BRWD3: variants seen among roughly 807,000 people sequenced by gnomAD.
BRWD3 encodes bromodomain and WD repeat domain containing 3.
Under a neutral mutation model 149.7 loss-of-function variants are expected in BRWD3, and 10 were observed. That is an observed-to-expected ratio of 0.07 (90% confidence interval 0.04 to 0.11). BRWD3 has a LOEUF of 0.11. Among genes scored for constraint, BRWD3 ranks in the 10% least tolerant of loss-of-function variants. The pLI is 1.00. For synonymous variants in BRWD3, 504 were observed against 456.7 expected, an observed-to-expected ratio of 1.10 and a Z score of -1.32; for missense variants, 940 against 1,373.2, an observed-to-expected ratio of 0.68 and a Z score of 4.99.
At position 80,671,136 on chromosome X, in the gene BRWD3, A is replaced by C. The variant is rs2072320104; in HGVS notation, c.*5473T>G. ...CATTTTAAAATGTCAGGTACATATA[A>C]CTCAGCTGTTAAAAGTTGTAAGTCA... On this transcript the variant is annotated 3_prime_UTR_variant, in exon 41 of 41. Coordinates refer to ENST00000373275, the MANE Select transcript of BRWD3 (RefSeq NM_153252.5). The C allele has an allele frequency of 9.0e-6, 1 of 111,538 alleles. No individual in the cohort carries two copies. Among genetic ancestry groups the C allele is most frequent in the Non-Finnish European group, 1.9e-5 (1 of 53,134 alleles). The allele number at this position is 111,538 out of a possible 1,213,427, so 9.2% of individuals were successfully genotyped here.
intron 6 of BRWD3, among the ~76,000 whole-genome samples, chrX:80,759,104 G>A (rs2073776063): frequency 9.0e-6 from 1 of 111,528 alleles, no homozygotes; most frequent in Non-Finnish European, 1.9e-5. Flanking sequence ...TCCTTCATCA[G>A]GAAACTACAC....
intron 36 of BRWD3, 137 bp from the exon 37 acceptor site, chrX:80,684,299 C>A (rs2072493024): frequency 1.9e-6 from 1 of 537,454 alleles, no homozygotes; most frequent in Non-Finnish European, 3.0e-6. Context: ...CTCCCCACAA[C>A]CCCAAAACAT....
intron 6 of BRWD3, among the ~76,000 whole-genome samples, chrX:80,756,449 C>T (rs1334538126): frequency 1.1e-5 from 1 of 90,038 alleles, no homozygotes; most frequent in African/African-American, 4.2e-5. Flanking sequence ...TAGCAGTGAG[C>T]CGAGATCGCA....
intron 20 of BRWD3, among the ~76,000 whole-genome samples, chrX:80,711,206 C>A (rs1295782191): frequency 3.6e-5 from 4 of 111,441 alleles, no homozygotes; most frequent in African/African-American, 1.3e-4. Flanking sequence ...ATAATCTATA[C>A]TTTTGTTCAT....
At position 80,689,775 on chromosome X, in the gene BRWD3, G is replaced by A; in HGVS notation, c.3800C>T (p.Ala1267Val). The change falls in exon 33 of 41, where the codon GCA becomes GTA. Residue 1267 changes from alanine to valine, a missense_variant. Physicochemically the swap from Ala to Val is moderately conservative, Grantham distance 64 (BLOSUM62 0). Transcript: ENST00000373275. ...TCATGCTGTGATTCTTACCTCCTCT[G>A]CATCAGTACTGTTTCGTTCTTCTGC... The part of the protein sequence containing the change: ...IKAEERNSTD[A>V]EEDTEIVDLD... The A allele has an allele frequency of 8.4e-7, 1 of 1,196,100 alleles. No homozygotes were observed. The highest frequency in any genetic ancestry group is 1.7e-5 in the African/African-American group (1 of 57,353).
In BRWD3 at chrX:80,728,783, G is replaced by C. The variant is rs2073285388; in HGVS notation, c.1355C>G (p.Ser452Cys). ...TGTATGAAGAAGCTGTCCTGTGATA[G>C]AATTCCACACTTTCAAAAGAAAATT... ...VNNFLLKVWN[S>C]ITGQLLHTLS... The change falls in exon 14 of 41, where the codon TCT becomes TGT. Residue 452 changes from serine to cysteine, a missense_variant. By Grantham distance (112) the Ser-to-Cys change is moderately radical. This residue lies in a region of BRWD3 where 209 missense variants were observed against 396.8 expected (regional missense o/e 0.53). Transcript: ENST00000373275. 1 of 1,204,583 alleles carries C rather than the reference G, an allele frequency of 8.3e-7. No homozygotes were observed.
At chrX:80,707,989 C>G (rs756058389) in intron 21 of BRWD3, among the ~76,000 whole-genome samples, 35 of 112,092 alleles carry the variant, frequency 3.1e-4, no homozygotes, top group African/African-American at 1.1e-3. Context: ...TATACTCTAG[C>G]ATTAGTTTGA....
rs1259554776 is a variant in BRWD3, at chrX:80,669,680, CTA to C, written c.*6927_*6928del. Among the ~76,000 whole-genome samples, 1 of 111,104 alleles carries C rather than the reference CTA, an allele frequency of 9.0e-6. No individual in the cohort carries two copies. Among genetic ancestry groups the C allele is most frequent in the Non-Finnish European group, 1.9e-5 (1 of 52,957 alleles). ...TCCTTGACTTAAATTACTTAACAGA[CTA>C]TACAAAATTGCCAATACAAATTAAC... On this transcript the variant is annotated 3_prime_UTR_variant, in exon 41 of 41. Coordinates refer to ENST00000373275, the MANE Select transcript of BRWD3 (RefSeq NM_153252.5).
chrX:80,686,825 T>G, intron 35 of BRWD3, 38 bp downstream of exon 35: 2 of 1,196,940 alleles, frequency 1.7e-6, no homozygotes, highest in East Asian at 3.0e-5. Flanking sequence ...TATGGGAAAT[T>G]ATCATACTGA....
At chrX:80,763,491 G>C (rs931664251) in intron 6 of BRWD3, among the ~76,000 whole-genome samples, 7 of 111,820 alleles carry the variant, frequency 6.3e-5, no homozygotes, top group African/African-American at 2.3e-4. Context: ...TAGGCCCTAA[G>C]AAGATGTTTA....
chrX:80,698,545 C>T (rs906745688), intron 25 of BRWD3, among the ~76,000 whole-genome samples: 10 of 109,572 alleles, frequency 9.1e-5, no homozygotes, highest in Non-Finnish European at 1.9e-4. Context: ...CCCATCTCTA[C>T]TAAAAAGGCA....
intron 36 of BRWD3, 135 bp from the exon 37 acceptor site, chrX:80,684,297 A>C: frequency 1.9e-6 from 1 of 537,164 alleles, no homozygotes; most frequent in Non-Finnish European, 3.0e-6. Context: ...ACCTCCCCAC[A>C]ACCCCAAAAC....
rs1271934662 is a variant in BRWD3 at position 80,672,375 on chromosome X, G to A, written c.*4234C>T. ...TGTAATCCCAGCACTTTGGGAGGCC[G>A]AGGTGAGGAAGGAAGGAAGGAGGGA... On this transcript the variant is annotated 3_prime_UTR_variant, in exon 41 of 41. Transcript: ENST00000373275. 1 of 88,113 alleles carries A rather than the reference G, an allele frequency of 1.1e-5. No individual in the cohort carries two copies. The highest frequency in any genetic ancestry group is 2.2e-5 in the Non-Finnish European group (1 of 45,684). The allele number at this position is 88,113 out of a possible 1,213,427, so 7.3% of individuals were successfully genotyped here. A position where few individuals can be genotyped will look rare whatever the true frequency, so the allele number is the denominator to read the frequency against.
intron 6 of BRWD3, among the ~76,000 whole-genome samples, chrX:80,764,339 T>C (rs1569278534): frequency 8.9e-6 from 1 of 111,802 alleles, no homozygotes; most frequent in East Asian, 2.8e-4. Context: ...GGAGTCTCGC[T>C]CTGTTGCCCA....
chrX:80,691,177 C>T lies in BRWD3; in HGVS notation c.3482-4G>A, dbSNP rs747328189. The T allele has an allele frequency of 8.3e-7, 1 of 1,204,793 alleles. No homozygotes were observed. Among genetic ancestry groups the T allele is most frequent in the South Asian group, 1.8e-5 (1 of 56,617 alleles). On this transcript the variant is annotated splice_polypyrimidine_tract_variant and splice_region_variant and intron_variant, in intron 30 of 40. Transcript: ENST00000373275. ...ACAGCAAAAGGGCTGGCAAAATCTACAAAATTATGAAAATCAAATAAGGTA... is the reference window on the plus strand; with the variant it reads ...ACAGCAAAAGGGCTGGCAAAATCTATAAAATTATGAAAATCAAATAAGGTA...
At chrX:80,735,064 T>C in intron 10 of BRWD3, 63 bp downstream of exon 10, 2 of 975,065 alleles carry the variant, frequency 2.1e-6, no homozygotes, top group Middle Eastern at 2.6e-4. Flanking sequence ...TCTTCATAAA[T>C]CACTTTCACA....
At position 80,699,851 on chromosome X, in the gene BRWD3, C is replaced by T. The variant is rs1055996239; in HGVS notation, c.2943+106G>A. On this transcript the variant is annotated intron_variant, in intron 25 of 40. Transcript: ENST00000373275. ...AGATCATCATCTTATCTTGGATACA[C>T]AATCAACAGTGAAATATGCATAAAA... The T allele has an allele frequency of 2.0e-5, 11 of 547,673 alleles. No individual in the cohort carries two copies. In the African/African-American group the frequency reaches 2.5e-4, roughly 13 times the overall value. 45.1% of individuals were successfully genotyped at this position (547,673 alleles called of 1,213,427 possible). A position where few individuals can be genotyped will look rare whatever the true frequency, so the allele number is the denominator to read the frequency against.
At chrX:80,694,297 A>G (rs1030853996) in intron 27 of BRWD3, among the ~76,000 whole-genome samples, 1 of 111,931 alleles carries the variant, frequency 8.9e-6, no homozygotes, top group Admixed American at 9.4e-5. Flanking sequence ...ATGCCTGGAT[A>G]TCCAGGCAAA....
chrX:80,707,739 T>A (rs773238659), intron 21 of BRWD3, among the ~76,000 whole-genome samples: 41 of 112,157 alleles, frequency 3.7e-4, no homozygotes, highest in South Asian at 7.3e-4. Context: ...TTTTTGTGAT[T>A]TCAAAGACTC....
Sources: gnomAD v4.1 joint callset for allele counts (sites outside exome capture counted in the v4.1 genomes callset) on GRCh38, gnomAD v4.1.1 for gene constraint, gnomAD v4.1.1 regional missense constraint, MANE v1.5 for transcripts, NCBI Gene and HGNC (gene_info 2026-07-23, HGNC 2026-07-21) for gene names.